Variants in SLC10A1 observed in about 807,000 individuals in gnomAD.
SLC10A1 encodes the protein solute carrier family 10 member 1.
Under a neutral mutation model 20.5 loss-of-function variants are expected in SLC10A1, and 36 were observed. That is an observed-to-expected ratio of 1.75 (90% CI 1.34 to 2.32). The LOEUF (loss-of-function observed/expected upper bound fraction) is 2.32. SLC10A1 is among the 30% of genes most tolerant of loss of function. SLC10A1 has a pLI of 0.00. For synonymous variants in SLC10A1, 188 were observed against 163.6 expected (o/e 1.15, Z -1.14); for missense variants, 545 against 439.1 (o/e 1.24, Z -2.16).
rs3837667 is a variant in SLC10A1 at position 69,784,520 on chromosome 14, CAGAG to C, written c.567+1573_567+1576del. On this transcript the variant is annotated intron_variant, in intron 2 of 4. Coordinates refer to ENST00000216540, the MANE Select transcript of SLC10A1 (RefSeq NM_003049.4). ...AAGGTGTTTGAGAGGAAGCGATTGA[CAGAG>C]AGAGAGAGGAGTGAGGGGGACTACT... Among the ~76,000 whole-genome samples, 630 of 151,792 alleles carry C rather than the reference CAGAG, an allele frequency of 4.2e-3. 1 individual carries two copies. Among genetic ancestry groups the C allele is most frequent in the African/African-American group, 0.012 (510 of 41,420 alleles).
chr14:69,788,669 C>T (rs969704246), intron 1 of SLC10A1, among the ~76,000 whole-genome samples: 1 of 151,960 alleles, frequency 6.6e-6, no homozygotes, highest in Non-Finnish European at 1.5e-5. Context: ...CTCAGCCTCC[C>T]GAGTAGCTGG....
chr14:69,780,147 G>T (rs1034780560), intron 2 of SLC10A1, among the ~76,000 whole-genome samples: 2 of 152,176 alleles, frequency 1.3e-5, no homozygotes, highest in African/African-American at 4.8e-5. Flanking sequence ...GTTCCCAAAA[G>T]AACTTTCAGA....
intron 1 of SLC10A1, among the ~76,000 whole-genome samples, chr14:69,792,594 A>C (rs1392668175): frequency 1.3e-5 from 2 of 152,226 alleles, no homozygotes; most frequent in African/African-American, 4.8e-5. Flanking sequence ...ACTGCTAGGG[A>C]ACGTGTGAAG....
chr14:69,794,770 C>G (rs1404501115), intron 1 of SLC10A1, among the ~76,000 whole-genome samples: 1 of 151,488 alleles, frequency 6.6e-6, no homozygotes, highest in African/African-American at 2.4e-5. Flanking sequence ...CAGAGCTTAT[C>G]TCTTGTGGGG....
chr14:69,791,790 A>G (rs112992381), intron 1 of SLC10A1, among the ~76,000 whole-genome samples: 4 of 152,226 alleles, frequency 2.6e-5, no homozygotes, highest in Non-Finnish European at 2.9e-5. Context: ...AATTCACTCA[A>G]CGTGGCTTGG....
chr14:69,781,938 A>G (rs1027413039), intron 2 of SLC10A1, among the ~76,000 whole-genome samples: 3 of 152,148 alleles, frequency 2.0e-5, no homozygotes, highest in African/African-American at 7.2e-5. Flanking sequence ...GGTTATTTTG[A>G]TTTGCAAGGT....
chr14:69,796,099 G>A (rs1252477982), intron 1 of SLC10A1, among the ~76,000 whole-genome samples: 1 of 152,176 alleles, frequency 6.6e-6, no homozygotes, highest in African/African-American at 2.4e-5. Flanking sequence ...CTCCAGGAGC[G>A]AGCCCTTGCT....
intron 2 of SLC10A1, among the ~76,000 whole-genome samples, chr14:69,783,343 C>G (rs992604031): frequency 6.6e-6 from 1 of 152,110 alleles, no homozygotes; most frequent in Non-Finnish European, 1.5e-5. Context: ...GTTCTTAATG[C>G]AGTGTAATAA....
At chr14:69,795,047 G>A (rs148173444) in intron 1 of SLC10A1, among the ~76,000 whole-genome samples, 8 of 152,242 alleles carry the variant, frequency 5.3e-5, no homozygotes, top group Admixed American at 2.6e-4. Flanking sequence ...GTACCCCTTC[G>A]CAGGCCCCTG....
chr14:69,792,618 T>A (rs1355612808), intron 1 of SLC10A1, among the ~76,000 whole-genome samples: 1 of 152,208 alleles, frequency 6.6e-6, no homozygotes, highest in Non-Finnish European at 1.5e-5. Flanking sequence ...ACAATGACCT[T>A]GGAGACCTCT....
At chr14:69,790,608 T>G (rs1218654839) in intron 1 of SLC10A1, among the ~76,000 whole-genome samples, 1 of 152,200 alleles carries the variant, frequency 6.6e-6, no homozygotes, top group Non-Finnish European at 1.5e-5. Context: ...AATAAAAATT[T>G]AGTACACTAG....
intron 2 of SLC10A1, 53 bp from the exon 3 acceptor site, chr14:69,779,413 CAG>C (rs1883536769): frequency 4.8e-6 from 7 of 1,457,526 alleles, no homozygotes; most frequent in Non-Finnish European, 5.6e-6. Context: ...TAGAGAGGAA[CAG>C]AGGTGGGGAA....
intron 1 of SLC10A1, among the ~76,000 whole-genome samples, chr14:69,791,438 C>T (rs898161195): frequency 1.3e-5 from 2 of 151,860 alleles, no homozygotes; most frequent in Non-Finnish European, 2.9e-5. Context: ...GTAGCTGGGA[C>T]TACAGGCGCC....
At chr14:69,778,555 T>C (rs1474318695) in intron 3 of SLC10A1, 26 bp from the exon 4 acceptor site, 9 of 1,565,574 alleles carry the variant, frequency 5.7e-6, no homozygotes, top group Non-Finnish European at 7.8e-6. Flanking sequence ...AAACCCCACA[T>C]ACACTCAGAG....
intron 4 of SLC10A1, among the ~76,000 whole-genome samples, chr14:69,777,101 G>T (rs1883464226): frequency 6.6e-6 from 1 of 152,160 alleles, no homozygotes; most frequent in Non-Finnish European, 1.5e-5. Context: ...GTCACTTCAG[G>T]TCTTTCTGGT....
chr14:69,783,387 AT>A (rs777236571), intron 2 of SLC10A1, among the ~76,000 whole-genome samples: 3 of 152,168 alleles, frequency 2.0e-5, no homozygotes, highest in Non-Finnish European at 4.4e-5. Flanking sequence ...GTTGGGTGTT[AT>A]GGGAGTGAAT....
At chr14:69,788,386 A>ATCT (rs1883771439) in intron 1 of SLC10A1, among the ~76,000 whole-genome samples, 1 of 152,196 alleles carries the variant, frequency 6.6e-6, no homozygotes, top group Non-Finnish European at 1.5e-5. Context: ...CTAAAGCACG[A>ATCT]ACAGCCAAAG....
Position 69,786,218 on chromosome 14 carries a change from T to C in SLC10A1, c.446A>G (p.Asp149Gly). 1.2e-6 allele frequency: 2 copies of C among 1,613,866 alleles called. No individual in the cohort carries two copies. Among genetic ancestry groups the C allele is most frequent in the East Asian group, 2.2e-5 (1 of 44,862 alleles). ...TTTATAGGGCACCTTGTCCTTCAGG[T>C]CCCCATCATAGATCCCCCTGGAGTA... ...YIYSRGIYDG[D>G]LKDKVPYKGI... Residue 149 changes from aspartate (D) to glycine (G), a missense_variant, in exon 2 of 5, where the codon GAC becomes GGC. By Grantham distance (94) the Asp-to-Gly change is moderately conservative. Transcript: ENST00000216540.
At chr14:69,778,640 CA>C in intron 3 of SLC10A1, 111 bp from the exon 4 acceptor site, 2 of 898,980 alleles carry the variant, frequency 2.2e-6, no homozygotes, top group Middle Eastern at 3.7e-4. Context: ...AGACCCTGGA[CA>C]GGGGTACTTT....
Sources: gnomAD v4.1 joint callset for allele counts (sites outside exome capture counted in the v4.1 genomes callset) on GRCh38, gnomAD v4.1.1 for gene constraint, MANE v1.5 for transcripts, NCBI Gene and HGNC (gene_info 2026-07-23, HGNC 2026-07-21) for gene names.